The following HS3ST2 variants were observed in gnomAD, a reference collection of about 807,000 sequenced individuals.
The protein encoded by HS3ST2 is heparan sulfate-glucosamine 3-sulfotransferase 2.
A neutral mutation model predicts 26.3 loss-of-function variants in HS3ST2; 17 were observed. That is an observed-to-expected ratio of 0.65 (90% CI 0.44 to 0.97). The LOEUF is 0.97. Ranked by LOEUF, HS3ST2 falls within the 50% of genes least tolerant of loss-of-function variation. The pLI, the probability that HS3ST2 is intolerant of heterozygous loss-of-function variation, is 0.00. For missense variants in HS3ST2, 402 were observed against 501.2 expected (o/e 0.80, Z 1.89); for synonymous variants, 237 against 219.2 (o/e 1.08, Z -0.72).
rs537239881 is a variant in HS3ST2, at chr16:22,885,462, G to GT, written c.486-29471dup. 1.8e-3 allele frequency among the ~76,000 whole-genome samples: 259 copies of GT among 144,270 alleles called. 1 individual carries two copies. Among genetic ancestry groups the GT allele is most frequent in the African/African-American group, 3.4e-3 (133 of 39,590 alleles). 94.6% of individuals were successfully genotyped at this position (144,270 alleles called of 152,430 possible). On this transcript the variant is annotated intron_variant, in intron 1 of 1. Coordinates refer to ENST00000261374, the MANE Select transcript of HS3ST2 (RefSeq NM_006043.2). ...TCCTCATTTTTCTTTTCTTTTCTTTGTTTTTTTTTTTGAGACAGAATCTCA... is the reference window on the plus strand; with the variant it reads ...TCCTCATTTTTCTTTTCTTTTCTTTGTTTTTTTTTTTTGAGACAGAATCTCA...
intron 1 of HS3ST2, among the ~76,000 whole-genome samples, chr16:22,837,801 A>G (rs1242240422): frequency 6.6e-6 from 1 of 151,904 alleles, no homozygotes; most frequent in Non-Finnish European, 1.5e-5. Flanking sequence ...TGTTCATGTG[A>G]TCTCTCTCTA....
At chr16:22,855,700 C>CTCTCTCTG (rs1567488857) in intron 1 of HS3ST2, among the ~76,000 whole-genome samples, 2 of 142,816 alleles carry the variant, frequency 1.4e-5, no homozygotes, top group Admixed American at 1.4e-4. Flanking sequence ...CTCTCTGTCT[C>CTCTCTCTG]TCTCTCTCTC....
chr16:22,848,156 C>T (rs967654206), intron 1 of HS3ST2, among the ~76,000 whole-genome samples: 3 of 152,108 alleles, frequency 2.0e-5, no homozygotes, highest in Non-Finnish European at 4.4e-5. Flanking sequence ...ATGGCTGCAG[C>T]GAAATGTAGC....
intron 1 of HS3ST2, among the ~76,000 whole-genome samples, chr16:22,845,952 A>G (rs751909853): frequency 2.6e-5 from 4 of 152,232 alleles, no homozygotes; most frequent in Non-Finnish European, 5.9e-5. Context: ...CATTAAGCCA[A>G]GAGGCCCAGT....
intron 1 of HS3ST2, among the ~76,000 whole-genome samples, chr16:22,855,696 G>GTCTCTCTGTCTCTCTC (rs1555512843): frequency 7.0e-6 from 1 of 142,940 alleles, no homozygotes; most frequent in Non-Finnish European, 1.5e-5. Flanking sequence ...CTGTCTCTCT[G>GTCTCTCTGTCTCTCTC]TCTCTCTCTC....
At chr16:22,845,786 A>G (rs1047417577) in intron 1 of HS3ST2, among the ~76,000 whole-genome samples, 2 of 152,222 alleles carry the variant, frequency 1.3e-5, no homozygotes, top group African/African-American at 4.8e-5. Context: ...ACTTAGTAGG[A>G]TGCTGAAGAT....
At chr16:22,902,883 C>T (rs950339029) in intron 1 of HS3ST2, among the ~76,000 whole-genome samples, 26 of 151,998 alleles carry the variant, frequency 1.7e-4, no homozygotes, top group African/African-American at 5.3e-4. Flanking sequence ...CTGGCTAGTT[C>T]TCCTTTACTT....
chr16:22,843,860 T>C (rs111482203), intron 1 of HS3ST2, among the ~76,000 whole-genome samples: 20 of 151,976 alleles, frequency 1.3e-4, no homozygotes, highest in African/African-American at 4.3e-4. Context: ...ATCAGAAAGG[T>C]GGGGAAGATT....
At chr16:22,911,688 C>G (rs1472203592) in intron 1 of HS3ST2, among the ~76,000 whole-genome samples, 1 of 152,164 alleles carries the variant, frequency 6.6e-6, no homozygotes, top group Non-Finnish European at 1.5e-5. Context: ...ACCGTATTTC[C>G]TGTGTGACTC....
chr16:22,847,874 GA>G (rs1461712977), intron 1 of HS3ST2, among the ~76,000 whole-genome samples: 2 of 143,648 alleles, frequency 1.4e-5, no homozygotes, highest in Admixed American at 1.5e-4. Context: ...GAAAAAAAAA[GA>G]AAGAAAGAGG....
chr16:22,877,203 G>A (rs1901932905), intron 1 of HS3ST2, among the ~76,000 whole-genome samples: 2 of 152,184 alleles, frequency 1.3e-5, no homozygotes, highest in South Asian at 4.1e-4. Context: ...AGTCACAAGA[G>A]CCTGCTGGGT....
chr16:22,842,757 T>G (rs919225459), intron 1 of HS3ST2, among the ~76,000 whole-genome samples: 1 of 152,186 alleles, frequency 6.6e-6, no homozygotes, highest in Non-Finnish European at 1.5e-5. Flanking sequence ...TCTCTTAACC[T>G]TCTCCCCAGC....
chr16:22,852,905 T>TA (rs1901537366), intron 1 of HS3ST2, among the ~76,000 whole-genome samples: 8 of 152,036 alleles, frequency 5.3e-5, no homozygotes, highest in Non-Finnish European at 1.2e-4. Context: ...TACGTAGTCT[T>TA]GGTTTCCAAA....
chr16:22,860,292 C>T (rs923721046), intron 1 of HS3ST2, among the ~76,000 whole-genome samples: 1 of 152,028 alleles, frequency 6.6e-6, no homozygotes, highest in Non-Finnish European at 1.5e-5. Flanking sequence ...TAGGGGAACT[C>T]CCCTTTATAA....
intron 1 of HS3ST2, among the ~76,000 whole-genome samples, chr16:22,827,101 G>C (rs758799438): frequency 1.3e-4 from 20 of 152,244 alleles, no homozygotes; most frequent in Non-Finnish European, 2.6e-4. Context: ...ATCTGAAGGA[G>C]GTGAGGAGGC....
At chr16:22,883,155 A>T (rs938645662) in intron 1 of HS3ST2, among the ~76,000 whole-genome samples, 2 of 152,178 alleles carry the variant, frequency 1.3e-5, no homozygotes, top group African/African-American at 2.4e-5. Context: ...GCAGATGCCA[A>T]TTCCCAAGCA....
At chr16:22,852,369 T>C (rs1380696335) in intron 1 of HS3ST2, among the ~76,000 whole-genome samples, 2 of 152,196 alleles carry the variant, frequency 1.3e-5, no homozygotes, top group Non-Finnish European at 2.9e-5. Flanking sequence ...GCTACTATAA[T>C]GGCAAATGTG....
chr16:22,828,257 GT>G (rs1453428496), intron 1 of HS3ST2, among the ~76,000 whole-genome samples: 1 of 152,104 alleles, frequency 6.6e-6, no homozygotes, highest in Admixed American at 6.5e-5. Context: ...TAAATACAGA[GT>G]TCTTAGGTAA....
intron 1 of HS3ST2, among the ~76,000 whole-genome samples, chr16:22,868,624 C>T (rs1265762364): frequency 6.6e-6 from 1 of 152,110 alleles, no homozygotes; most frequent in Non-Finnish European, 1.5e-5. Flanking sequence ...AGCCTGGGCC[C>T]TACCCAGGAC....
Sources: gnomAD v4.1 joint callset for allele counts (sites outside exome capture counted in the v4.1 genomes callset) on GRCh38, gnomAD v4.1.1 for gene constraint, MANE v1.5 for transcripts, NCBI Gene and HGNC (gene_info 2026-07-23, HGNC 2026-07-21) for gene names.